EFCAB11: variants seen among roughly 807,000 people sequenced by gnomAD.
EFCAB11 encodes the protein EF-hand calcium-binding domain-containing protein 11.
Under a neutral mutation model 23.0 loss-of-function variants are expected in EFCAB11, and 14 were observed. The observed-to-expected ratio is 0.61, with a 90% CI of 0.40 to 0.95. The LOEUF is 0.95. Ranked by LOEUF, EFCAB11 falls within the 40% of genes least tolerant of loss-of-function variation. The pLI is 0.00. For missense variants in EFCAB11, 198 were observed against 195.8 expected (o/e 1.01, Z -0.07); for synonymous variants, 65 against 66.6 (o/e 0.98, Z 0.11).
rs1323829618 is a variant in EFCAB11, at chr14:89,863,757, A to G, written c.411-66433T>C. Among the ~76,000 whole-genome samples the G allele has an allele frequency of 4.6e-5, 7 of 152,294 alleles. No individual in the cohort carries two copies. In the East Asian group the frequency reaches 9.6e-4, roughly 21 times the overall value. On this transcript the variant is annotated intron_variant, in intron 5 of 5. Coordinates refer to ENST00000316738, the MANE Select transcript of EFCAB11 (RefSeq NM_145231.4). ...ATATTAATGAATACAGTTGGTTGAG[A>G]AAAAAAGGACCTAGGATGAAAAATT...
In EFCAB11 at chr14:89,842,913, A is replaced by G. The variant is rs142138367; in HGVS notation, c.411-45589T>C. 2.1e-3 allele frequency among the ~76,000 whole-genome samples: 314 copies of G among 152,228 alleles called. 3 individuals carry two copies. The highest frequency in any genetic ancestry group is 6.4e-3 in the African/African-American group (267 of 41,524). ...GTTATTGCCTGGATAACTCTTATTC[A>G]TCCTTTAAGAATCAGCAGAGAGACA... On this transcript the variant is annotated intron_variant, in intron 5 of 5. Coordinates refer to ENST00000316738, the MANE Select transcript of EFCAB11 (RefSeq NM_145231.4).
intron 5 of EFCAB11, among the ~76,000 whole-genome samples, chr14:89,902,714 C>T (rs1889379704): frequency 1.3e-5 from 2 of 152,162 alleles, no homozygotes; most frequent in South Asian, 4.1e-4. Context: ...CCACTCAGAA[C>T]ACCACTGAAC....
At chr14:89,882,084 C>T (rs1888618783) in intron 5 of EFCAB11, among the ~76,000 whole-genome samples, 1 of 152,116 alleles carries the variant, frequency 6.6e-6, no homozygotes, top group Admixed American at 6.6e-5. Flanking sequence ...TTTCAAACAC[C>T]TTTTTTCTAC....
intron 5 of EFCAB11, among the ~76,000 whole-genome samples, chr14:89,821,428 A>G (rs985715700): frequency 6.6e-6 from 1 of 151,996 alleles, no homozygotes; most frequent in Non-Finnish European, 1.5e-5. Flanking sequence ...TATAAATCCT[A>G]TTGTGTCTGT....
intron 3 of EFCAB11, among the ~76,000 whole-genome samples, chr14:89,939,275 G>GT (rs1890708287): frequency 7.1e-6 from 1 of 141,180 alleles, no homozygotes; most frequent in Non-Finnish European, 1.5e-5. Flanking sequence ...TGTTGCAGAG[G>GT]TTAAAAAAAA....
intron 5 of EFCAB11, among the ~76,000 whole-genome samples, chr14:89,867,697 C>A (rs1407712061): frequency 6.6e-6 from 1 of 152,176 alleles, no homozygotes; most frequent in Non-Finnish European, 1.5e-5. Flanking sequence ...AGGAAGTTAT[C>A]AGTTATGCAC....
At position 89,948,942 on chromosome 14, in the gene EFCAB11, A is replaced by G. The variant is rs1393735316; in HGVS notation, c.217+1155T>C. The stretch of plus-strand genomic sequence containing the variant: ...TAGTACAGAATGGTAACTATAGTCA[A>G]TAACAACTTAATTGTACATTAAAAA... On this transcript the variant is annotated intron_variant, in intron 3 of 5. Coordinates refer to ENST00000316738, the MANE Select transcript of EFCAB11 (RefSeq NM_145231.4). 1.3e-5 allele frequency among the ~76,000 whole-genome samples: 2 copies of G among 152,218 alleles called. 1 individual carries two copies. Among genetic ancestry groups the G allele is most frequent in the East Asian group, 3.8e-4 (2 of 5,198 alleles).
At chr14:89,803,972 T>C (rs1323193792) in intron 5 of EFCAB11, among the ~76,000 whole-genome samples, 1 of 152,178 alleles carries the variant, frequency 6.6e-6, no homozygotes, top group East Asian at 1.9e-4. Context: ...ATGCAGATGA[T>C]TTCTGGTCTT....
At chr14:89,829,466 T>G (rs1293258482) in intron 5 of EFCAB11, among the ~76,000 whole-genome samples, 2 of 152,230 alleles carry the variant, frequency 1.3e-5, no homozygotes, top group African/African-American at 4.8e-5. Context: ...AGGCTGTGTT[T>G]GAGAAAGTTT....
chr14:89,829,013 C>G (rs1401213051), intron 5 of EFCAB11, among the ~76,000 whole-genome samples: 1 of 152,194 alleles, frequency 6.6e-6, no homozygotes, highest in Non-Finnish European at 1.5e-5. Context: ...ATGATAATTG[C>G]ACTCACATTC....
intron 5 of EFCAB11, among the ~76,000 whole-genome samples, chr14:89,802,276 T>C (rs1415229271): frequency 6.6e-6 from 1 of 152,004 alleles, no homozygotes; most frequent in Non-Finnish European, 1.5e-5. Flanking sequence ...GATGGAATCT[T>C]TTCTATTAAA....
intron 5 of EFCAB11, among the ~76,000 whole-genome samples, chr14:89,839,251 G>A (rs1887182452): frequency 6.6e-6 from 1 of 152,172 alleles, no homozygotes; most frequent in African/African-American, 2.4e-5. Context: ...CAGTTAAGGA[G>A]GTGGGTGTAT....
At chr14:89,937,728 A>G (rs1043040604) in intron 3 of EFCAB11, among the ~76,000 whole-genome samples, 9 of 151,964 alleles carry the variant, frequency 5.9e-5, no homozygotes, top group Non-Finnish European at 1.2e-4. Context: ...GTTTCACCCT[A>G]TTGGCCAGGC....
At chr14:89,874,971 T>G (rs1189361904) in intron 5 of EFCAB11, among the ~76,000 whole-genome samples, 1 of 151,896 alleles carries the variant, frequency 6.6e-6, no homozygotes, top group East Asian at 1.9e-4. Flanking sequence ...CTAAATCATC[T>G]CTCTCAAGTT....
chr14:89,891,337 A>G (rs1868966246), intron 5 of EFCAB11, among the ~76,000 whole-genome samples: 1 of 152,226 alleles, frequency 6.6e-6, no homozygotes, highest in African/African-American at 2.4e-5. Context: ...GACTTCAGGG[A>G]ATAGAAAACT....
At chr14:89,826,242 T>C (rs188568161) in intron 5 of EFCAB11, among the ~76,000 whole-genome samples, 322 of 152,184 alleles carry the variant, frequency 2.1e-3, no homozygotes, top group Non-Finnish European at 3.7e-3. Flanking sequence ...TGATAACATA[T>C]TTACTAGAGG....
intron 3 of EFCAB11, among the ~76,000 whole-genome samples, chr14:89,947,926 A>G (rs1468464174): frequency 1.3e-5 from 2 of 151,718 alleles, no homozygotes; most frequent in African/African-American, 2.4e-5. Flanking sequence ...GTAAACTAAC[A>G]CTTCTCAAAC....
At chr14:89,915,960 T>G (rs1196805319) in intron 5 of EFCAB11, among the ~76,000 whole-genome samples, 1 of 152,106 alleles carries the variant, frequency 6.6e-6, no homozygotes, top group African/African-American at 2.4e-5. Flanking sequence ...GACATGTGAA[T>G]ATATATGCTA....
At chr14:89,901,886 T>C (rs960603098) in intron 5 of EFCAB11, among the ~76,000 whole-genome samples, 2 of 152,136 alleles carry the variant, frequency 1.3e-5, no homozygotes, top group Non-Finnish European at 2.9e-5. Flanking sequence ...CATTGGAATG[T>C]ATAAGATTTC....
Sources: gnomAD v4.1 joint callset for allele counts (sites outside exome capture counted in the v4.1 genomes callset) on GRCh38, gnomAD v4.1.1 for gene constraint, MANE v1.5 for transcripts, NCBI Gene and HGNC (gene_info 2026-07-23, HGNC 2026-07-21) for gene names.